Variants in CHODL observed in about 807,000 individuals in gnomAD.
CHODL encodes the protein transmembrane protein MT75.
In CHODL, 29 loss-of-function variants were observed where a neutral mutation model predicts 34.5. The ratio of observed to expected loss-of-function variants is 0.84; its 90% confidence interval spans 0.63 to 1.15. The LOEUF (loss-of-function observed/expected upper bound fraction) is 1.15, where lower values mean the gene tolerates loss of function less well. Ranked by LOEUF, CHODL falls within the 50% of genes most tolerant of loss-of-function variation. The pLI, the probability that CHODL is intolerant of heterozygous loss-of-function variation, is 0.00. For synonymous variants in CHODL, 125 were observed against 116.1 expected, an observed-to-expected ratio of 1.08 and a Z score of -0.49; for missense variants, 332 against 332.5, an observed-to-expected ratio of 1.00 and a Z score of 0.01.
chr21:18,265,233 GTGTATATATATA>G (rs1290647628), intron 5 of CHODL, among the ~76,000 whole-genome samples: 10 of 132,964 alleles, frequency 7.5e-5, no homozygotes, highest in East Asian at 2.0e-4. Flanking sequence ...ATATATATGT[GTGTATATATATA>G]TGTGTATATA....
chr21:17,930,066 G>T (rs1344536505), intron 1 of CHODL, among the ~76,000 whole-genome samples: 1 of 152,030 alleles, frequency 6.6e-6, no homozygotes, highest in Non-Finnish European at 1.5e-5. Context: ...CTGCCCTGGG[G>T]ATCCTGCTGC....
intron 2 of CHODL, among the ~76,000 whole-genome samples, chr21:18,215,936 C>A (rs540456683): frequency 6.6e-6 from 1 of 152,242 alleles, no homozygotes; most frequent in South Asian, 2.1e-4. Context: ...TCCATTTAAG[C>A]AATTAACAAA....
chr21:17,963,751 T>C (rs1197924843), intron 1 of CHODL, among the ~76,000 whole-genome samples: 1 of 152,178 alleles, frequency 6.6e-6, no homozygotes, highest in African/African-American at 2.4e-5. Flanking sequence ...TGCCATTGGT[T>C]TCTGTATCTT....
intron 2 of CHODL, among the ~76,000 whole-genome samples, chr21:18,085,586 G>A (rs1014144616): frequency 6.6e-6 from 1 of 152,062 alleles, no homozygotes; most frequent in African/African-American, 2.4e-5. Context: ...TTGTTGGTAT[G>A]GGAAAGACTT....
intron 1 of CHODL, among the ~76,000 whole-genome samples, chr21:17,963,478 A>T (rs992051516): frequency 6.6e-6 from 1 of 152,202 alleles, no homozygotes; most frequent in African/African-American, 2.4e-5. Context: ...GGGCAAAGGC[A>T]CATCTTACAT....
chr21:17,978,347 G>T (rs963525679), intron 1 of CHODL, among the ~76,000 whole-genome samples: 16 of 147,768 alleles, frequency 1.1e-4, no homozygotes, highest in Non-Finnish European at 1.5e-5. Context: ...GTGTGAACCT[G>T]GCAGGCGGAG....
rs377698798 is a variant in CHODL, at chr21:18,095,212, C to T, written c.-45+67241C>T. On this transcript the variant is annotated intron_variant, in intron 2 of 6. Transcript: ENST00000400127. ...AAAACAATACAAAAGATCAATGGAC[C>T]AAAAATTTGGCTTTTTGAAAGTTAA... Among the ~76,000 whole-genome samples the T allele has an allele frequency of 4.0e-4, 61 of 151,444 alleles. No individual in the cohort carries two copies. The South Asian group carries it at 0.013, about 32-fold the overall frequency.
At chr21:17,976,811 T>C (rs2063666681) in intron 1 of CHODL, among the ~76,000 whole-genome samples, 1 of 152,222 alleles carries the variant, frequency 6.6e-6, no homozygotes, top group African/African-American at 2.4e-5. Context: ...TAGGTCAGTA[T>C]CAACCTGAAA....
In CHODL at chr21:17,931,139, G is replaced by A. The variant is rs529532906; in HGVS notation, c.-145+13739G>A. Among the ~76,000 whole-genome samples the A allele has an allele frequency of 2.0e-5, 3 of 152,278 alleles. No homozygotes were observed. In the East Asian group the frequency reaches 5.8e-4, roughly 29 times the overall value. ...ACCAGGAGCTCCCTCAGTCACTCCC[G>A]TCAGAGCTGGTGCCTGTGCTCCTCA... On this transcript the variant is annotated intron_variant, in intron 1 of 6. Transcript: ENST00000400127.
At chr21:18,008,412 A>G (rs1413201040) in intron 1 of CHODL, among the ~76,000 whole-genome samples, 1 of 152,140 alleles carries the variant, frequency 6.6e-6, no homozygotes, top group Non-Finnish European at 1.5e-5. Context: ...TGGGTACTAT[A>G]CAGTAGATCT....
intron 2 of CHODL, among the ~76,000 whole-genome samples, chr21:18,232,942 GATATATATATATATATAT>G (rs371388519): frequency 3.3e-5 from 4 of 119,424 alleles, no homozygotes; most frequent in Non-Finnish European, 5.0e-5. Flanking sequence ...ATGATGTTAT[GATATATATATATATATAT>G]ATATATATAT....
chr21:18,015,660 G>T (rs554844131), intron 1 of CHODL, among the ~76,000 whole-genome samples: 3 of 152,164 alleles, frequency 2.0e-5, no homozygotes, highest in Non-Finnish European at 4.4e-5. Context: ...GAGACTCATT[G>T]AATGGTTGTG....
intron 2 of CHODL, among the ~76,000 whole-genome samples, chr21:18,137,190 C>G (rs2072744236): frequency 6.6e-6 from 1 of 152,112 alleles, no homozygotes. Context: ...TTGATGTTGT[C>G]CAGATACCTC....
At chr21:18,121,627 C>T (rs1229927364) in intron 2 of CHODL, among the ~76,000 whole-genome samples, 6 of 152,198 alleles carry the variant, frequency 3.9e-5, no homozygotes, top group Non-Finnish European at 7.4e-5. Flanking sequence ...TGTGTCTCTA[C>T]TTTTATCATA....
intron 2 of CHODL, among the ~76,000 whole-genome samples, chr21:18,199,628 A>G (rs2073629321): frequency 6.6e-6 from 1 of 152,054 alleles, no homozygotes; most frequent in South Asian, 2.1e-4. Context: ...ATCCTCTCCT[A>G]TCCTAAATCT....
At chr21:18,114,125 G>T (rs1234146359) in intron 2 of CHODL, among the ~76,000 whole-genome samples, 3 of 152,198 alleles carry the variant, frequency 2.0e-5, no homozygotes, top group Non-Finnish European at 4.4e-5. Context: ...TAGAAGGATG[G>T]TTACCAGATG....
At chr21:18,002,557 T>C (rs1315119420) in intron 1 of CHODL, among the ~76,000 whole-genome samples, 2 of 152,206 alleles carry the variant, frequency 1.3e-5, no homozygotes, top group East Asian at 1.9e-4. Flanking sequence ...CATCCTGATT[T>C]TGAAGCAGGA....
intron 1 of CHODL, among the ~76,000 whole-genome samples, chr21:18,002,320 C>T (rs2063914359): frequency 6.6e-6 from 1 of 152,076 alleles, no homozygotes; most frequent in Non-Finnish European, 1.5e-5. Context: ...AGAAATGATT[C>T]CTAACAGATA....
Position 18,126,190 on chromosome 21 carries a change from C to A in CHODL, c.-45+98219C>A, listed in dbSNP as rs374250260. Among the ~76,000 whole-genome samples the A allele has an allele frequency of 4.9e-4, 74 of 152,286 alleles. 1 individual carries two copies. The South Asian group carries it at 0.014, about 28-fold the overall frequency. Reference sequence around the variant, plus strand: ...CACAGCTATTCCAACCTTCAGCAACCACCACTCTGATTAGTCACTAGCCAT... The same window carrying A: ...CACAGCTATTCCAACCTTCAGCAACAACCACTCTGATTAGTCACTAGCCAT... On this transcript the variant is annotated intron_variant, in intron 2 of 6. Coordinates refer to the CHODL transcript ENST00000400127.
Sources: gnomAD v4.1 joint callset for allele counts (sites outside exome capture counted in the v4.1 genomes callset) on GRCh38, gnomAD v4.1.1 for gene constraint, MANE v1.5 for transcripts, NCBI Gene and HGNC (gene_info 2026-07-23, HGNC 2026-07-21) for gene names.